HK2: variants seen among roughly 807,000 people sequenced by gnomAD.
HK2 encodes hexokinase-2.
HK2 carries 42 observed loss-of-function variants against 92.9 expected under a neutral mutation model. The ratio of observed to expected loss-of-function variants is 0.45; its 90% confidence interval spans 0.35 to 0.58. The LOEUF is 0.58. Among genes scored for constraint, HK2 ranks in the 20% least tolerant of loss-of-function variants. The pLI, the probability that HK2 is intolerant of heterozygous loss-of-function variation, is 0.00. For synonymous variants in HK2, 422 were observed against 468.0 expected (o/e 0.90, Z 1.27); for missense variants, 978 against 1,245.1 (o/e 0.79, Z 3.23).
chr2:74,885,792 G>C (rs1254743792), intron 13 of HK2, among the ~76,000 whole-genome samples: 2 of 149,970 alleles, frequency 1.3e-5, no homozygotes, highest in African/African-American at 5.0e-5. Flanking sequence ...CCACAACAAA[G>C]CTTTGTTCTA....
chr2:74,837,774 C>G (rs1688203483), intron 1 of HK2, among the ~76,000 whole-genome samples: 1 of 148,192 alleles, frequency 6.7e-6, no homozygotes, highest in Non-Finnish European at 1.5e-5. Flanking sequence ...CTCCCAGGTT[C>G]AAGCGATTCT....
intron 2 of HK2, among the ~76,000 whole-genome samples, chr2:74,856,731 A>C (rs1558792932): frequency 6.6e-6 from 1 of 152,246 alleles, no homozygotes; most frequent in Non-Finnish European, 1.5e-5. Flanking sequence ...CAAATGTCAA[A>C]CAAGTTGTCC....
At chr2:74,877,682 T>C (rs1473557098) in intron 8 of HK2, among the ~76,000 whole-genome samples, 8 of 152,212 alleles carry the variant, frequency 5.3e-5, no homozygotes, top group Admixed American at 4.6e-4. Flanking sequence ...TGATTCCCTA[T>C]TGGCAATTCT....
intron 2 of HK2, among the ~76,000 whole-genome samples, chr2:74,863,226 G>C (rs1305877778): frequency 1.3e-5 from 2 of 152,178 alleles, no homozygotes; most frequent in Non-Finnish European, 2.9e-5. Flanking sequence ...TGTTTTACGT[G>C]TTCCACACCC....
chr2:74,877,035 A>G, intron 7 of HK2, 131 bp from the exon 8 acceptor site: 1 of 1,228,684 alleles, frequency 8.1e-7, no homozygotes. Context: ...CACGTATCTT[A>G]CTCCTGGGCC....
chr2:74,838,573 C>G lies in HK2; in HGVS notation c.63+3930C>G, dbSNP rs541941822. On this transcript the variant is annotated intron_variant, in intron 1 of 17. Transcript: ENST00000290573. ...TTTTTTTTTGAGACGGAGTCTCGCT[C>G]TGTCGCCCAGGCTGGAGTGCAGTGG... 3.5e-5 allele frequency among the ~76,000 whole-genome samples: 5 copies of G among 144,302 alleles called. No individual in the cohort carries two copies. The South Asian group carries it at 6.5e-4, about 19-fold the overall frequency. 94.7% of individuals were successfully genotyped at this position (144,302 alleles called of 152,430 possible). A position where few individuals can be genotyped will look rare whatever the true frequency, so the allele number is the denominator to read the frequency against.
At chr2:74,889,940 T>C (rs1197643224) in intron 17 of HK2, among the ~76,000 whole-genome samples, 2 of 152,258 alleles carry the variant, frequency 1.3e-5, no homozygotes, top group South Asian at 2.1e-4. Context: ...CTGTATAGCG[T>C]ACCTTTGAGT....
At position 74,854,278 on chromosome 2, in the gene HK2, TTCC is replaced by T. The variant is rs1558791827; in HGVS notation, c.64-10_64-8del. The T allele has an allele frequency of 3.1e-6, 5 of 1,611,964 alleles. No individual in the cohort carries two copies. Among genetic ancestry groups the T allele is most frequent in the Non-Finnish European group, 4.2e-6 (5 of 1,179,758 alleles). On this transcript the variant is annotated splice_polypyrimidine_tract_variant and intron_variant, in intron 1 of 17. Transcript: ENST00000290573. ...TTAACCAGTGGTTTCTGCTCTTGTC[TTCC>T]TCCTTTTTCAGGTTGACCAGTATCT...
chr2:74,834,766 G>C lies in HK2; in HGVS notation c.63+123G>C. On this transcript the variant is annotated intron_variant, in intron 1 of 17. Transcript: ENST00000290573. The surrounding 1 kb of genome is among the most constrained non-coding windows in gnomAD (Gnocchi z 4.2). ...TACTCCGGGCCTGGGAGCGGAAAAA[G>C]TTTGGGCAGCCGGGACACTCCTGGG... The C allele has an allele frequency of 9.2e-7, 1 of 1,085,926 alleles. No individual in the cohort carries two copies. Among genetic ancestry groups the C allele is most frequent in the South Asian group, 1.3e-5 (1 of 79,088 alleles). 67.3% of individuals were successfully genotyped at this position (1,085,926 alleles called of 1,614,324 possible).
chr2:74,852,690 A>T (rs986591473), intron 1 of HK2, among the ~76,000 whole-genome samples: 6 of 149,812 alleles, frequency 4.0e-5, no homozygotes, highest in African/African-American at 1.5e-4. Context: ...TAAAAGATTA[A>T]AAAAAAAAAA....
chr2:74,882,048 T>G, intron 11 of HK2, 72 bp from the exon 12 acceptor site: 20 of 1,493,262 alleles, frequency 1.3e-5, no homozygotes, highest in Non-Finnish European at 1.8e-5. Context: ...ATTGATGTTG[T>G]GCGCAGGCCC....
Position 74,834,137 on chromosome 2 carries a change from A to C in HK2, c.-444A>C, listed in dbSNP as rs959771817. Reference sequence around the variant, plus strand: ...GCCCCTCAATAAGCCACATTGTTGCATGAAACTCCGGCGCAGGAGTCCCGG... The same window carrying C: ...GCCCCTCAATAAGCCACATTGTTGCCTGAAACTCCGGCGCAGGAGTCCCGG... On this transcript the variant is annotated 5_prime_UTR_variant, in exon 1 of 18. The change abolishes an upstream ATG in the 5' untranslated region. Coordinates refer to ENST00000290573, the MANE Select transcript of HK2 (RefSeq NM_000189.5). This position sits in a 1 kb window ranked among gnomAD's most constrained non-coding sequence, Gnocchi z 4.2. 8 of 331,810 alleles carry C rather than the reference A, an allele frequency of 2.4e-5. No individual in the cohort carries two copies. The highest frequency in any genetic ancestry group is 4.8e-5 in the Non-Finnish European group (8 of 168,188). 20.6% of individuals were successfully genotyped at this position (331,810 alleles called of 1,614,324 possible). A position where few individuals can be genotyped will look rare whatever the true frequency, so the allele number is the denominator to read the frequency against.
intron 1 of HK2, among the ~76,000 whole-genome samples, chr2:74,850,605 C>T (rs182198520): frequency 6.6e-6 from 1 of 152,296 alleles, no homozygotes; most frequent in East Asian, 1.9e-4. Context: ...CTGCTATCAC[C>T]TGCTTGGCTT....
chr2:74,873,392 T>G, intron 5 of HK2, 21 bp downstream of exon 5: 1 of 1,572,262 alleles, frequency 6.4e-7, no homozygotes, highest in Non-Finnish European at 8.8e-7. Flanking sequence ...TGGCAGGAGC[T>G]TGGGGTCTGT....
Position 74,885,495 on chromosome 2 carries a change from G to A in HK2, c.1841G>A (p.Ser614Asn). The A allele has an allele frequency of 6.2e-7, 1 of 1,611,474 alleles. No individual in the cohort carries two copies. Among genetic ancestry groups the A allele is most frequent in the South Asian group, 1.1e-5 (1 of 91,016 alleles). The change falls in exon 13 of 18, where the codon AGC (serine) becomes AAC (asparagine). Residue 614 changes from serine to asparagine, a missense_variant and splice_region_variant. Transcript: ENST00000290573. ...FPCQQNSLDE[S>N]ILLKWTKGFK... is the part of the protein sequence containing the mutation. ...TCCATGCTTGTGTGTGATTTTTAGA[G>A]CATCCTCCTCAAGTGGACAAAAGGC... is the stretch of plus-strand genomic sequence containing the variant.
At chr2:74,850,323 G>A (rs1378131805) in intron 1 of HK2, among the ~76,000 whole-genome samples, 1 of 152,198 alleles carries the variant, frequency 6.6e-6, no homozygotes, top group African/African-American at 2.4e-5. Flanking sequence ...ATGGAGATTA[G>A]GCAGAAGTAT....
At chr2:74,840,014 GGC>G (rs1688266253) in intron 1 of HK2, among the ~76,000 whole-genome samples, 1 of 138,430 alleles carries the variant, frequency 7.2e-6, no homozygotes. Context: ...GGAGTACAGT[GGC>G]GTGATCTCAG....
intron 7 of HK2, among the ~76,000 whole-genome samples, chr2:74,876,035 A>G (rs185102356): frequency 1.9e-3 from 283 of 152,336 alleles, no homozygotes; most frequent in Non-Finnish European, 2.8e-3. Flanking sequence ...TAGAATAAAA[A>G]CTTAGCAACA....
intron 2 of HK2, among the ~76,000 whole-genome samples, chr2:74,859,916 G>A (rs763942091): frequency 6.6e-6 from 1 of 152,138 alleles, no homozygotes; most frequent in Non-Finnish European, 1.5e-5. Context: ...ATGTGGAGTC[G>A]ATGCCCATCA....
Sources: allele counts gnomAD v4.1 joint callset (sites outside exome capture counted in the v4.1 genomes callset), GRCh38; gene constraint gnomAD v4.1.1; non-coding constraint Gnocchi (gnomAD v3.1); transcripts MANE v1.5; gene names NCBI Gene and HGNC (gene_info 2026-07-23, HGNC 2026-07-21).